CALCRL: variants seen among roughly 807,000 people sequenced by gnomAD.
The protein encoded by CALCRL is calcitonin gene-related peptide type 1 receptor.
A neutral mutation model predicts 60.4 loss-of-function variants in CALCRL; 27 were observed. The observed-to-expected ratio is 0.45, with a 90% confidence interval of 0.33 to 0.62. The LOEUF (loss-of-function observed/expected upper bound fraction) is 0.62. Ranked by LOEUF, CALCRL falls within the 20% of genes least tolerant of loss-of-function variation. The pLI, the probability that CALCRL is intolerant of heterozygous loss-of-function variation, is 0.03. For missense variants in CALCRL, 424 were observed against 540.7 expected (o/e 0.78, Z 2.14); for synonymous variants, 190 against 182.6 (o/e 1.04, Z -0.33).
chr2:187,413,069 C>T (rs978256404), intron 1 of CALCRL, among the ~76,000 whole-genome samples: 2 of 152,070 alleles, frequency 1.3e-5, no homozygotes, highest in African/African-American at 4.8e-5. Context: ...AAGGATTTAT[C>T]TCTGTACGTT....
chr2:187,399,935 T>C (rs1039688911), intron 1 of CALCRL, among the ~76,000 whole-genome samples: 1 of 151,212 alleles, frequency 6.6e-6, no homozygotes. Flanking sequence ...ACTACTGGAG[T>C]CTGGGGTGGG....
At position 187,437,556 on chromosome 2, in the gene CALCRL, T is replaced by C. The variant is rs376161969; in HGVS notation, c.-293+10483A>G. On this transcript the variant is annotated intron_variant, in intron 1 of 14. Coordinates refer to ENST00000392370, the MANE Select transcript of CALCRL (RefSeq NM_005795.6). Reference sequence around the variant, plus strand: ...GTAAAGACAGCCCTATTTTTTTTTCTATTTTAAGCTCCTTAGAATAAAGAA... The same window carrying C: ...GTAAAGACAGCCCTATTTTTTTTTCCATTTTAAGCTCCTTAGAATAAAGAA... Among the ~76,000 whole-genome samples the C allele has an allele frequency of 8.7e-4, 133 of 152,334 alleles. 5 individuals are homozygous for C. The South Asian group carries it at 0.027, about 30-fold the overall frequency.
intron 1 of CALCRL, among the ~76,000 whole-genome samples, chr2:187,409,733 G>A (rs1231072523): frequency 6.6e-6 from 1 of 152,192 alleles, no homozygotes; most frequent in Admixed American, 6.6e-5. Context: ...GAAGGAAGAA[G>A]ATGACCTAAT....
intron 1 of CALCRL, among the ~76,000 whole-genome samples, chr2:187,439,979 TATGTA>T (rs1690817154): frequency 6.6e-6 from 1 of 152,114 alleles, no homozygotes; most frequent in Non-Finnish European, 1.5e-5. Flanking sequence ...ATGTGATGCT[TATGTA>T]ATGTAGAGAA....
chr2:187,426,595 T>A (rs1349635281), intron 1 of CALCRL, among the ~76,000 whole-genome samples: 2 of 152,074 alleles, frequency 1.3e-5, no homozygotes, highest in African/African-American at 4.8e-5. Flanking sequence ...CCACCAGGTC[T>A]GGAAACACAA....
At chr2:187,348,404 T>G (rs536852835) in intron 14 of CALCRL, among the ~76,000 whole-genome samples, 4 of 151,690 alleles carry the variant, frequency 2.6e-5, no homozygotes, top group African/African-American at 7.3e-5. Flanking sequence ...GTAATCAATA[T>G]AGTTTCTGGT....
rs200387056 is a variant in CALCRL at position 187,360,759 on chromosome 2, G to GA, written c.628-9dup. ...GGACACTTTGCAACTAACCTGTGAG[G>GA]AAAAAAAAAACCCCAATATTTACTT... is the stretch of plus-strand genomic sequence containing the variant. On this transcript the variant is annotated splice_polypyrimidine_tract_variant and intron_variant, in intron 9 of 14. Coordinates refer to ENST00000392370, the MANE Select transcript of CALCRL (RefSeq NM_005795.6). The GA allele has an allele frequency of 0.011, 14,452 of 1,371,268 alleles. 9 individuals carry two copies. Among genetic ancestry groups the GA allele is most frequent in the African/African-American group, 0.028 (1,870 of 66,552 alleles). The allele number at this position is 1,371,268 out of a possible 1,614,324, so 84.9% of individuals were successfully genotyped here. A position where few individuals can be genotyped will look rare whatever the true frequency, so the allele number is the denominator to read the frequency against.
chr2:187,419,674 C>T (rs1031857986), intron 1 of CALCRL, among the ~76,000 whole-genome samples: 2 of 152,020 alleles, frequency 1.3e-5, no homozygotes, highest in Non-Finnish European at 2.9e-5. Flanking sequence ...TAGGCCATTT[C>T]ATTTTTTTCA....
chr2:187,447,397 C>A (rs1357015600), intron 1 of CALCRL, among the ~76,000 whole-genome samples: 1 of 151,018 alleles, frequency 6.6e-6, no homozygotes, highest in Non-Finnish European at 1.5e-5. Context: ...GTAGCCGACA[C>A]CATGATCCAA....
Sources: allele counts gnomAD v4.1 joint callset (sites outside exome capture counted in the v4.1 genomes callset), GRCh38; gene constraint gnomAD v4.1.1; transcripts MANE v1.5; gene names NCBI Gene and HGNC (gene_info 2026-07-23, HGNC 2026-07-21).